Variants in PALMD observed in about 807,000 individuals in gnomAD.
The protein encoded by PALMD is paralemmin-like protein.
In PALMD, 42 loss-of-function variants were observed where a neutral mutation model predicts 56.2. The ratio of observed to expected loss-of-function variants is 0.75; its 90% CI spans 0.58 to 0.97. The LOEUF (loss-of-function observed/expected upper bound fraction) is 0.97. Among genes scored for constraint, PALMD ranks in the 50% least tolerant of loss-of-function variants. PALMD has a pLI of 0.00. For missense variants in PALMD, 660 were observed against 643.8 expected (o/e 1.03, Z -0.27); for synonymous variants, 242 against 222.9 (o/e 1.09, Z -0.76).
intron 7 of PALMD, among the ~76,000 whole-genome samples, chr1:99,690,730 A>T (rs1557676406): frequency 6.6e-6 from 1 of 152,168 alleles, no homozygotes; most frequent in Non-Finnish European, 1.5e-5. Flanking sequence ...AAAGATGTAA[A>T]TCAAATTACC....
chr1:99,682,060 ACT>A (rs1408416212), intron 3 of PALMD, among the ~76,000 whole-genome samples: 1 of 152,006 alleles, frequency 6.6e-6, no homozygotes, highest in African/African-American at 2.4e-5. Flanking sequence ...CCAGTTCCTT[ACT>A]CTCAGTTATG....
intron 6 of PALMD, among the ~76,000 whole-genome samples, chr1:99,688,470 T>G (rs1226498270): frequency 7.7e-6 from 1 of 130,282 alleles, no homozygotes; most frequent in Non-Finnish European, 1.6e-5. Flanking sequence ...AGAGGATATC[T>G]TTTTCGGTTC....
At chr1:99,683,715 C>G (rs1305128318) in intron 3 of PALMD, 1 of 152,258 alleles carries the variant, frequency 6.6e-6, no homozygotes, top group Admixed American at 6.5e-5. Context: ...GTTTACATTT[C>G]AAGTCATAGC....
At chr1:99,687,000 GTT>G in intron 5 of PALMD, 37 bp downstream of exon 5, 2 of 1,529,610 alleles carry the variant, frequency 1.3e-6, no homozygotes, top group South Asian at 1.2e-5. Context: ...GTTAAACTAA[GTT>G]TTTTTGGTAA....
chr1:99,686,649 A>AT, intron 3 of PALMD, 27 bp from the exon 4 acceptor site: 1 of 1,202,024 alleles, frequency 8.3e-7, no homozygotes, highest in Non-Finnish European at 1.2e-6. Context: ...GTGTTAAGCA[A>AT]TAAAAAGTAT....
chr1:99,688,739 TTAAC>T (rs753471344), intron 6 of PALMD, 32 bp from the exon 7 acceptor site: 3 of 1,438,236 alleles, frequency 2.1e-6, no homozygotes, highest in Admixed American at 2.2e-5. Flanking sequence ...AAAAGAAAAG[TTAAC>T]TAAATCAAAG....
chr1:99,677,168 G>A (rs754939908), intron 3 of PALMD, among the ~76,000 whole-genome samples: 3 of 151,932 alleles, frequency 2.0e-5, no homozygotes, highest in Non-Finnish European at 4.4e-5. Flanking sequence ...ACCACTGAGA[G>A]CAAAGACTGA....
chr1:99,652,933 G>A (rs190803096), intron 1 of PALMD, among the ~76,000 whole-genome samples: 41 of 152,268 alleles, frequency 2.7e-4, no homozygotes, highest in African/African-American at 9.4e-4. Flanking sequence ...AGACTGTGGT[G>A]TCATTTCAGA....
chr1:99,689,134 A>G lies in PALMD; in HGVS notation c.874A>G (p.Asn292Asp). Residue 292 changes from asparagine to aspartate, a missense_variant, in exon 7 of 8, where the codon AAT (asparagine) becomes GAT (aspartate). Asn to Asp is a conservative substitution (Grantham distance 23). Coordinates refer to ENST00000263174, the MANE Select transcript of PALMD (RefSeq NM_017734.5). Reference sequence around the variant, plus strand: ...TCAAGAAAGGATAAAGATTAAAACTAATGGACTGGGTATTGGTGTAAATGA... The same window carrying G: ...TCAAGAAAGGATAAAGATTAAAACTGATGGACTGGGTATTGGTGTAAATGA... ...NFQERIKIKT[N>D]GLGIGVNESI... The G allele has an allele frequency of 6.2e-7, 1 of 1,613,722 alleles. No homozygotes were observed. The highest frequency in any genetic ancestry group is 8.5e-7 in the Non-Finnish European group (1 of 1,179,820).
chr1:99,674,931 G>C lies in PALMD; in HGVS notation c.251+7165G>C, dbSNP rs113920079. ...TGCCTGCCACCAGGCCTAGACTTCT[G>C]CATTCTGCAGGAGAGTTTCCCGTGA... On this transcript the variant is annotated intron_variant, in intron 3 of 7. Transcript: ENST00000263174. Among the ~76,000 whole-genome samples the C allele has an allele frequency of 5.8e-3, 888 of 152,292 alleles. 8 individuals carry two copies. Among genetic ancestry groups the C allele is most frequent in the African/African-American group, 0.021 (853 of 41,564 alleles).
chr1:99,687,552 T>G (rs1278221439), intron 6 of PALMD, among the ~76,000 whole-genome samples: 1 of 152,184 alleles, frequency 6.6e-6, no homozygotes, highest in Non-Finnish European at 1.5e-5. Flanking sequence ...AATATTCCTT[T>G]GGGAAGCTTA....
At chr1:99,660,744 G>A (rs1652828943) in intron 1 of PALMD, among the ~76,000 whole-genome samples, 1 of 151,964 alleles carries the variant, frequency 6.6e-6, no homozygotes, top group East Asian at 1.9e-4. Flanking sequence ...AAATTATCCA[G>A]GCATGGTAGT....
At chr1:99,653,304 C>T (rs1276531121) in intron 1 of PALMD, among the ~76,000 whole-genome samples, 1 of 152,110 alleles carries the variant, frequency 6.6e-6, no homozygotes, top group East Asian at 1.9e-4. Context: ...GCCAAATTTA[C>T]CATCACCCCT....
At chr1:99,656,951 C>T (rs1353928874) in intron 1 of PALMD, among the ~76,000 whole-genome samples, 2 of 152,186 alleles carry the variant, frequency 1.3e-5, no homozygotes, top group African/African-American at 2.4e-5. Context: ...TGAAATAACA[C>T]GGTTCATTCA....
chr1:99,648,333 T>G (rs1486920908), intron 1 of PALMD, among the ~76,000 whole-genome samples: 3 of 152,026 alleles, frequency 2.0e-5, no homozygotes, highest in African/African-American at 7.2e-5. Flanking sequence ...ACATCCACTC[T>G]CCTCCCTCTT....
At chr1:99,647,739 G>A (rs564184867) in intron 1 of PALMD, among the ~76,000 whole-genome samples, 1 of 152,328 alleles carries the variant, frequency 6.6e-6, no homozygotes, top group South Asian at 2.1e-4. Context: ...TGCGTGAGTT[G>A]TGTGGTCACA....
intron 3 of PALMD, chr1:99,683,219 T>C (rs547656302): frequency 6.6e-6 from 1 of 152,286 alleles, no homozygotes; most frequent in Admixed American, 6.5e-5. Flanking sequence ...AAATGTTGAA[T>C]TGCTCCAGAT....
intron 1 of PALMD, among the ~76,000 whole-genome samples, chr1:99,656,952 G>A (rs999909288): frequency 1.3e-5 from 2 of 152,058 alleles, no homozygotes; most frequent in East Asian, 1.9e-4. Context: ...GAAATAACAC[G>A]GTTCATTCAT....
At chr1:99,681,524 G>T (rs1653347297) in intron 3 of PALMD, among the ~76,000 whole-genome samples, 1 of 152,040 alleles carries the variant, frequency 6.6e-6, no homozygotes, top group Non-Finnish European at 1.5e-5. Context: ...ATGTATCTTG[G>T]AATGGGAAGG....
Sources: gnomAD v4.1 joint callset for allele counts (sites outside exome capture counted in the v4.1 genomes callset) on GRCh38, gnomAD v4.1.1 for gene constraint, MANE v1.5 for transcripts, NCBI Gene and HGNC (gene_info 2026-07-23, HGNC 2026-07-21) for gene names.